Variants in RORC observed in about 807,000 individuals in gnomAD.
The protein encoded by RORC is RAR related orphan receptor C, also known as nuclear receptor ROR-gamma.
In RORC, 13 loss-of-function variants were observed where a neutral mutation model predicts 64.5. The observed-to-expected ratio is 0.20, with a 90% CI of 0.13 to 0.32. The LOEUF is 0.32. Among genes scored for constraint, RORC ranks in the 10% least tolerant of loss-of-function variants. The pLI, the probability that RORC is intolerant of heterozygous loss-of-function variation, is 1.00. For missense variants in RORC, 468 were observed against 669.5 expected (o/e 0.70, Z 3.32); for synonymous variants, 277 against 259.3 (o/e 1.07, Z -0.65).
At position 151,828,345 on chromosome 1, in the gene RORC, C is replaced by T. The variant is rs544618495; in HGVS notation, c.70+1084G>A. On this transcript the variant is annotated intron_variant, in intron 2 of 10. Coordinates refer to ENST00000318247, the MANE Select transcript of RORC (RefSeq NM_005060.4). ...AGGGACCCATGCTCACAGAAGGGCA[C>T]GCATGGCCCTGATGGGCATAGCTTT... Among the ~76,000 whole-genome samples, 63 of 152,286 alleles carry T rather than the reference C, an allele frequency of 4.1e-4. No homozygotes were observed. The South Asian group carries it at 7.5e-3, about 18-fold the overall frequency.
intron 10 of RORC, among the ~76,000 whole-genome samples, chr1:151,808,331 G>A (rs2101650065): frequency 6.6e-6 from 1 of 152,348 alleles, no homozygotes; most frequent in African/African-American, 2.4e-5. Flanking sequence ...AAGGGGAGAT[G>A]AAAAAGGCAC....
Position 151,830,583 on chromosome 1 carries a change from AT to A in RORC, c.41-1126del, listed in dbSNP as rs1234333665. ...CCCTAACCTCTGACTCTATTCTGTT[AT>A]TTTTTTCCTTCTGCTGTTCAGTCTT... On this transcript the variant is annotated intron_variant, in intron 1 of 10. Transcript: ENST00000318247. The surrounding 1 kb of genome is among the most constrained non-coding windows in gnomAD (Gnocchi z 4.0). 7.0e-6 allele frequency among the ~76,000 whole-genome samples: 1 copy of A among 142,274 alleles called. No homozygotes were observed. Among genetic ancestry groups the A allele is most frequent in the Non-Finnish European group, 1.5e-5 (1 of 65,996 alleles). 93.3% of individuals were successfully genotyped at this position (142,274 alleles called of 152,430 possible).
In RORC at chr1:151,819,075, C is replaced by T. The variant is rs141006281; in HGVS notation, c.71-1795G>A. ...CAGCAGCAAGCTTCCAGTGCTCACA[C>T]TGTAAGCTGTGGTCCCCCCAGGACC... is the stretch of plus-strand genomic sequence containing the variant. On this transcript the variant is annotated intron_variant, in intron 2 of 10. Transcript: ENST00000318247. Among the ~76,000 whole-genome samples the T allele has an allele frequency of 6.0e-3, 921 of 152,288 alleles. 13 individuals carry two copies. The highest frequency in any genetic ancestry group is 0.02 in the African/African-American group (842 of 41,552).
At chr1:151,829,503 T>C (rs1296454425) in intron 1 of RORC, 45 bp from the exon 2 acceptor site, 5 of 1,467,094 alleles carry the variant, frequency 3.4e-6, no homozygotes. Context: ...TTGAAGATCA[T>C]GAGGGGCTGA....
rs538826879 is a variant in RORC, at chr1:151,814,817, C to G, written c.811+96G>C. Reference sequence around the variant, plus strand: ...CCTCCCTCCGCCCCTCGTCTGGACCCCTCAATTCCCTCAGGCGCATGTTTG... The same window carrying G: ...CCTCCCTCCGCCCCTCGTCTGGACCGCTCAATTCCCTCAGGCGCATGTTTG... On this transcript the variant is annotated intron_variant, in intron 5 of 10. Transcript: ENST00000318247. 1.5e-4 allele frequency: 224 copies of G among 1,544,742 alleles called. 3 individuals carry two copies. In the Admixed American group the frequency reaches 4.1e-3, roughly 28 times the overall value.
chr1:151,820,050 G>C (rs999504440), intron 2 of RORC, among the ~76,000 whole-genome samples: 1 of 152,142 alleles, frequency 6.6e-6, no homozygotes, highest in Non-Finnish European at 1.5e-5. Flanking sequence ...CGGAAACACT[G>C]AAACACAGAA....
chr1:151,808,218 CT>C (rs1651389728), intron 10 of RORC, among the ~76,000 whole-genome samples: 1 of 152,212 alleles, frequency 6.6e-6, no homozygotes, highest in Non-Finnish European at 1.5e-5. Flanking sequence ...TATCATAATG[CT>C]TAGCACATGG....
At position 151,813,244 on chromosome 1, in the gene RORC, G is replaced by A. The variant is rs770178028; in HGVS notation, c.1169C>T (p.Ala390Val). 5.0e-6 allele frequency: 8 copies of A among 1,613,560 alleles called. No homozygotes were observed. Among genetic ancestry groups the A allele is most frequent in the Non-Finnish European group, 6.8e-6 (8 of 1,179,546 alleles). The change falls in exon 8 of 11, where the codon GCC (alanine) becomes GTC (valine). Residue 390 changes from alanine to valine, a missense_variant. Transcript: ENST00000318247. ...CATTTCTCCCTGCCCCTCACCCAAG[G>A]CTCGGAACAGCTCCATGCCACCGTA... ...GKYGGMELFR[A>V]LGCSELISSI...
chr1:151,828,960 C>T (rs1349746624), intron 2 of RORC, among the ~76,000 whole-genome samples: 1 of 144,374 alleles, frequency 6.9e-6, no homozygotes, highest in Non-Finnish European at 1.5e-5. Context: ...GCCCAGGCGA[C>T]AGTGTGAGAC....
At chr1:151,820,829 C>A (rs1422576655) in intron 2 of RORC, among the ~76,000 whole-genome samples, 1 of 152,196 alleles carries the variant, frequency 6.6e-6, no homozygotes, top group East Asian at 1.9e-4. Flanking sequence ...GCTTACTGGT[C>A]TTCAGCTTAT....
chr1:151,816,021 G>T (rs532460526), intron 4 of RORC, among the ~76,000 whole-genome samples: 1 of 152,302 alleles, frequency 6.6e-6, no homozygotes, highest in South Asian at 2.1e-4. Context: ...ACCCCTGCGT[G>T]CTTCCTTTTG....
At chr1:151,825,894 A>T (rs1438585399) in intron 2 of RORC, 4 of 1,612,832 alleles carry the variant, frequency 2.5e-6, no homozygotes, top group Non-Finnish European at 2.5e-6. Context: ...GACAGGGTCC[A>T]GGCTCCCCCG....
At chr1:151,820,637 A>G (rs1276378181) in intron 2 of RORC, among the ~76,000 whole-genome samples, 1 of 152,122 alleles carries the variant, frequency 6.6e-6, no homozygotes. Context: ...GCTTTCTCCA[A>G]AAGAAAACTC....
At chr1:151,829,355 C>A (rs556369038) in intron 2 of RORC, 74 bp downstream of exon 2, 89 of 1,412,776 alleles carry the variant, frequency 6.3e-5, no homozygotes, top group Middle Eastern at 1.8e-4. Flanking sequence ...TCAGTCCCCC[C>A]ACAGATCACT....
intron 2 of RORC, among the ~76,000 whole-genome samples, chr1:151,825,322 G>A (rs76113159): frequency 0.018 from 2,701 of 152,134 alleles, 80 homozygotes; most frequent in African/African-American, 0.062. Flanking sequence ...GCATGTGCCC[G>A]GGTGCACCCT....
chr1:151,830,617 GACAT>G lies in RORC; in HGVS notation c.40+1104_40+1107del, dbSNP rs1237889864. Among the ~76,000 whole-genome samples, 4 of 28,236 alleles carry G rather than the reference GACAT, an allele frequency of 1.4e-4. No homozygotes were observed. The highest frequency in any genetic ancestry group is 3.0e-4 in the African/African-American group (4 of 13,134). The allele number at this position is 28,236 out of a possible 152,430, so 18.5% of individuals were successfully genotyped here. A position where few individuals can be genotyped will look rare whatever the true frequency, so the allele number is the denominator to read the frequency against. ...CTTCTGCTGTTCAGTCTTGACACCT[GACAT>G]ACACACACACACACACACACACACA... On this transcript the variant is annotated intron_variant, in intron 1 of 10. Transcript: ENST00000318247. The surrounding 1 kb of genome is among the most constrained non-coding windows in gnomAD (Gnocchi z 4.0).
At chr1:151,825,085 T>C (rs1206300687) in intron 2 of RORC, among the ~76,000 whole-genome samples, 1 of 152,148 alleles carries the variant, frequency 6.6e-6, no homozygotes, top group Non-Finnish European at 1.5e-5. Flanking sequence ...CTTCCTGAGG[T>C]TGCCCACCCT....
At chr1:151,823,471 G>A (rs563243439) in intron 2 of RORC, among the ~76,000 whole-genome samples, 1 of 152,280 alleles carries the variant, frequency 6.6e-6, no homozygotes, top group Admixed American at 6.5e-5. Flanking sequence ...CAGGGTGCTG[G>A]TGCCATCCTT....
In RORC at chr1:151,814,595, T is replaced by C. The variant is rs750114510; in HGVS notation, c.912A>G (p.Glu304=). 3 of 1,612,584 alleles carry C rather than the reference T, an allele frequency of 1.9e-6. No individual in the cohort carries two copies. Among genetic ancestry groups the C allele is most frequent in the Admixed American group, 3.3e-5 (2 of 59,856 alleles). ...RQRSNIFSRE[E]VTGYQRKSMW... ...TCACCTTCCTCTGGTAGCCAGTCAC[T>C]TCCTCCCGGGAGAAGATGTTGGAGC... Residue 304 remains glutamate (E), a synonymous_variant, in exon 6 of 11, where the codon GAA becomes GAG. Coordinates refer to ENST00000318247, the MANE Select transcript of RORC (RefSeq NM_005060.4).
Sources: allele counts gnomAD v4.1 joint callset (sites outside exome capture counted in the v4.1 genomes callset), GRCh38; gene constraint gnomAD v4.1.1; non-coding constraint Gnocchi (gnomAD v3.1); transcripts MANE v1.5; gene names NCBI Gene and HGNC (gene_info 2026-07-23, HGNC 2026-07-21).